Variants in RASA1 observed in about 807,000 individuals in gnomAD.
RASA1 encodes RAS p21 protein activator 1, also known as ras GTPase-activating protein 1.
RASA1 carries 25 observed loss-of-function variants against 132.2 expected under a neutral mutation model. The ratio of observed to expected loss-of-function variants is 0.19; its 90% CI spans 0.14 to 0.26. The LOEUF (loss-of-function observed/expected upper bound fraction) is 0.26. RASA1 is among the 10% of genes least tolerant of loss of function. The pLI is 1.00. For missense variants in RASA1, 964 were observed against 1,299.2 expected, an observed-to-expected ratio of 0.74 and a Z score of 3.97; for synonymous variants, 477 against 449.9, an observed-to-expected ratio of 1.06 and a Z score of -0.76.
intron 1 of RASA1, among the ~76,000 whole-genome samples, chr5:87,305,953 G>T (rs1204940632): frequency 6.6e-6 from 1 of 152,218 alleles, no homozygotes; most frequent in Non-Finnish European, 1.5e-5. Flanking sequence ...GTGTTATTAA[G>T]AAGTCAGAAA....
intron 18 of RASA1, 110 bp downstream of exon 18, chr5:87,378,648 T>A: frequency 8.4e-7 from 1 of 1,188,514 alleles, no homozygotes. Context: ...CTAAAATTAT[T>A]CCTCATAGCA....
chr5:87,348,858 A>T (rs529452754), intron 7 of RASA1, among the ~76,000 whole-genome samples: 23 of 152,070 alleles, frequency 1.5e-4, no homozygotes, highest in Non-Finnish European at 3.1e-4. Context: ...TATTACGAAG[A>T]TTTACATACA....
chr5:87,274,561 G>A (rs1006402413), intron 1 of RASA1, among the ~76,000 whole-genome samples: 3 of 152,028 alleles, frequency 2.0e-5, no homozygotes, highest in Non-Finnish European at 4.4e-5. Flanking sequence ...TGCTTCAAGG[G>A]TTGCAAGAGT....
intron 9 of RASA1, 86 bp downstream of exon 9, chr5:87,353,321 T>C (rs1158133838): frequency 1.9e-5 from 20 of 1,051,080 alleles, no homozygotes; most frequent in Non-Finnish European, 2.6e-5. Context: ...ATTTGTACAA[T>C]TCAAATTGGA....
At chr5:87,376,787 T>A in intron 16 of RASA1, 94 bp from the exon 17 acceptor site, 1 of 1,342,268 alleles carries the variant, frequency 7.5e-7, no homozygotes. Flanking sequence ...ATTTTAAATA[T>A]AAGAACTTGT....
At chr5:87,291,743 ATGTT>A (rs1561260321) in intron 1 of RASA1, among the ~76,000 whole-genome samples, 1 of 152,094 alleles carries the variant, frequency 6.6e-6, no homozygotes, top group East Asian at 1.9e-4. Context: ...ATCATGTGAT[ATGTT>A]TGTTCCCGCT....
chr5:87,390,532 G>A (rs554002263), intron 24 of RASA1, among the ~76,000 whole-genome samples: 1 of 152,006 alleles, frequency 6.6e-6, no homozygotes, highest in South Asian at 2.1e-4. Context: ...CTGACAACAT[G>A]TGATAGTGTG....
intron 4 of RASA1, among the ~76,000 whole-genome samples, chr5:87,333,900 C>T (rs1757769978): frequency 6.6e-6 from 1 of 151,986 alleles, no homozygotes; most frequent in Non-Finnish European, 1.5e-5. Flanking sequence ...GTAAACTGGA[C>T]AGGCCTATAA....
intron 12 of RASA1, among the ~76,000 whole-genome samples, 170 bp from the exon 13 acceptor site, chr5:87,371,947 TA>T (rs1465910313): frequency 7.0e-6 from 1 of 143,270 alleles, no homozygotes; most frequent in African/African-American, 2.4e-5. Flanking sequence ...ATTGTTATGT[TA>T]TTGTTATTTT....
At chr5:87,293,174 A>G (rs1283640038) in intron 1 of RASA1, among the ~76,000 whole-genome samples, 1 of 145,008 alleles carries the variant, frequency 6.9e-6, no homozygotes, top group Non-Finnish European at 1.5e-5. Context: ...GTGTCCTTGC[A>G]TTTTTCCCCA....
At chr5:87,387,845 T>TG (rs1173455512) in intron 23 of RASA1, among the ~76,000 whole-genome samples, 1 of 152,188 alleles carries the variant, frequency 6.6e-6, no homozygotes, top group Non-Finnish European at 1.5e-5. Context: ...CTTCTATATG[T>TG]GAACTGGGAT....
intron 1 of RASA1, among the ~76,000 whole-genome samples, chr5:87,305,813 G>A (rs1043670180): frequency 1.3e-5 from 2 of 152,110 alleles, no homozygotes; most frequent in African/African-American, 4.8e-5. Flanking sequence ...TAAAATGTGG[G>A]CAAAGGACAT....
intron 1 of RASA1, among the ~76,000 whole-genome samples, chr5:87,297,967 G>A (rs1755195044): frequency 6.6e-6 from 1 of 152,084 alleles, no homozygotes; most frequent in Non-Finnish European, 1.5e-5. Flanking sequence ...TTCTCTATCT[G>A]CCTACCTGTC....
At chr5:87,330,810 C>A in intron 1 of RASA1, 1 of 498,600 alleles carries the variant, frequency 2.0e-6, no homozygotes, top group South Asian at 7.2e-5. Context: ...TATCTTAGAG[C>A]CAAAGGGATT....
At chr5:87,338,535 A>ATTTTTTTTTTTTT (rs1561292521) in intron 5 of RASA1, among the ~76,000 whole-genome samples, 1 of 95,884 alleles carries the variant, frequency 1.0e-5, no homozygotes, top group Admixed American at 1.1e-4. Flanking sequence ...ATATATATAA[A>ATTTTTTTTTTTTT]ATTTTTTTTT....
rs985286509 is a variant in RASA1 at position 87,268,271 on chromosome 5, G to T, written c.-181G>T. On this transcript the variant is annotated 5_prime_UTR_variant, in exon 1 of 25. Transcript: ENST00000274376. ...GGCTTCCCGTAACCCAGGCAGCTGG[G>T]GAGCCTGGGCTGTGGCCCTAGGAGG... 4.4e-5 allele frequency: 40 copies of T among 901,236 alleles called. No homozygotes were observed. The highest frequency in any genetic ancestry group is 6.3e-5 in the Non-Finnish European group (39 of 619,856). 55.8% of individuals were successfully genotyped at this position (901,236 alleles called of 1,614,324 possible). A position where few individuals can be genotyped will look rare whatever the true frequency, so the allele number is the denominator to read the frequency against.
intron 20 of RASA1, 68 bp from the exon 21 acceptor site, chr5:87,383,645 T>A (rs1016514340): frequency 2.5e-6 from 3 of 1,199,378 alleles, no homozygotes; most frequent in South Asian, 1.4e-5. Context: ...TTATATATAT[T>A]GTTTTAATGT....
chr5:87,352,835 GA>G (rs912410991), intron 8 of RASA1, among the ~76,000 whole-genome samples: 31 of 150,980 alleles, frequency 2.1e-4, no homozygotes, highest in African/African-American at 6.3e-4. Flanking sequence ...TCTTGGGGGT[GA>G]AAAAAAAGGT....
At chr5:87,329,638 A>C (rs1435874044) in intron 1 of RASA1, among the ~76,000 whole-genome samples, 1 of 152,174 alleles carries the variant, frequency 6.6e-6, no homozygotes, top group Non-Finnish European at 1.5e-5. Context: ...CCTAAGACAT[A>C]ACAGAAATTT....
Sources: gnomAD v4.1 joint callset for allele counts (sites outside exome capture counted in the v4.1 genomes callset) on GRCh38, gnomAD v4.1.1 for gene constraint, MANE v1.5 for transcripts, NCBI Gene and HGNC (gene_info 2026-07-23, HGNC 2026-07-21) for gene names.